Variants in PEX2 observed in about 807,000 individuals in gnomAD.
The protein encoded by PEX2 is peroxisome biogenesis factor 2.
Under a neutral mutation model 25.2 loss-of-function variants are expected in PEX2, and 19 were observed. The observed-to-expected ratio is 0.75, with a 90% CI of 0.53 to 1.10. The LOEUF (loss-of-function observed/expected upper bound fraction) is 1.10. Among genes scored for constraint, PEX2 ranks in the 50% least tolerant of loss-of-function variants. The pLI is 0.00. For missense variants in PEX2, 347 were observed against 350.6 expected, an observed-to-expected ratio of 0.99 and a Z score of 0.08; for synonymous variants, 141 against 127.7, an observed-to-expected ratio of 1.10 and a Z score of -0.70.
intron 1 of PEX2, among the ~76,000 whole-genome samples, chr8:76,996,369 G>A (rs977149591): frequency 2.0e-5 from 3 of 152,180 alleles, no homozygotes; most frequent in Non-Finnish European, 4.4e-5. Context: ...AGAGGGGGCA[G>A]AACCAGCTCT....
chr8:76,983,519 C>T lies in PEX2; in HGVS notation c.660G>A (p.Leu220=), dbSNP rs1222347671. ...CAGTAAGAGGAATACACCATGAAGACAGCTTGGCTTTCAACTTCTGGACAT... is the reference window on the plus strand; with the variant it reads ...CAGTAAGAGGAATACACCATGAAGATAGCTTGGCTTTCAACTTCTGGACAT... The part of the protein sequence containing the change: ...LINVQKLKAK[L]SSWCIPLTGA... The change falls in exon 4 of 4, where the codon CTG becomes CTA. Residue 220 remains leucine, a synonymous_variant. Coordinates refer to ENST00000357039, the MANE Select transcript of PEX2 (RefSeq NM_000318.3). 2 of 1,613,898 alleles carry T rather than the reference C, an allele frequency of 1.2e-6. No homozygotes were observed. The highest frequency in any genetic ancestry group is 1.7e-5 in the Admixed American group (1 of 60,006).
rs1464772631 is a variant in PEX2 at position 77,000,016 on chromosome 8, T to G, written c.-186A>C. ...TTAGGAGTCTGCGAAACGCCCACGC[T>G]CCACGTAACTTTCTCTGAAACATTC... On this transcript the variant is annotated 5_prime_UTR_variant, in exon 1 of 4. Coordinates refer to ENST00000357039, the MANE Select transcript of PEX2 (RefSeq NM_000318.3). The G allele has an allele frequency of 2.2e-6, 1 of 452,804 alleles. No individual in the cohort carries two copies. The highest frequency in any genetic ancestry group is 2.4e-5 in the Admixed American group (1 of 41,982). 28.0% of individuals were successfully genotyped at this position (452,804 alleles called of 1,614,324 possible).
intron 1 of PEX2, among the ~76,000 whole-genome samples, chr8:76,992,366 G>T (rs1165380085): frequency 6.6e-6 from 1 of 152,132 alleles, no homozygotes; most frequent in Non-Finnish European, 1.5e-5. Context: ...GGCAGTCCAA[G>T]ACAAGCAACA....
chr8:76,998,605 GAAGAA>G (rs769536795), intron 1 of PEX2, among the ~76,000 whole-genome samples: 1 of 152,268 alleles, frequency 6.6e-6, no homozygotes, highest in South Asian at 2.1e-4. Flanking sequence ...TTTAATGCTA[GAAGAA>G]AAGGCAGATC....
Position 76,983,070 on chromosome 8 carries a change from T to C in PEX2, c.*191A>G. ...GCAATGATTTAAAAAACATAATACA[T>C]TAACATTTACATAATATATTTAGAA... On this transcript the variant is annotated 3_prime_UTR_variant, in exon 4 of 4. Transcript: ENST00000357039. 3.6e-6 allele frequency: 5 copies of C among 1,390,396 alleles called. No individual in the cohort carries two copies. The highest frequency in any genetic ancestry group is 4.7e-6 in the Non-Finnish European group (5 of 1,061,930). The allele number at this position is 1,390,396 out of a possible 1,614,324, so 86.1% of individuals were successfully genotyped here. A position where few individuals can be genotyped will look rare whatever the true frequency, so the allele number is the denominator to read the frequency against.
intron 1 of PEX2, among the ~76,000 whole-genome samples, chr8:76,997,488 G>T (rs1277719444): frequency 6.6e-6 from 1 of 152,100 alleles, no homozygotes. Flanking sequence ...AGAACTGCTT[G>T]AACTCGGGAG....
chr8:76,997,101 T>G (rs1807356510), intron 1 of PEX2, among the ~76,000 whole-genome samples: 1 of 152,158 alleles, frequency 6.6e-6, no homozygotes, highest in Non-Finnish European at 1.5e-5. Context: ...GGAAAGAAAT[T>G]AAAGGAATGA....
Position 77,000,042 on chromosome 8 carries a change from T to C in PEX2, c.-212A>G, listed in dbSNP as rs1429812381. The C allele has an allele frequency of 9.1e-6, 4 of 441,134 alleles. No homozygotes were observed. Among genetic ancestry groups the C allele is most frequent in the African/African-American group, 4.1e-5 (2 of 49,156 alleles). The allele number at this position is 441,134 out of a possible 1,614,324, so 27.3% of individuals were successfully genotyped here. Reference sequence around the variant, plus strand: ...CCACGTAACTTTCTCTGAAACATTCTCTGGAAAGCTTGTCTTTTCCTAGCC... The same window carrying C: ...CCACGTAACTTTCTCTGAAACATTCCCTGGAAAGCTTGTCTTTTCCTAGCC... On this transcript the variant is annotated 5_prime_UTR_variant, in exon 1 of 4. Transcript: ENST00000357039.
intron 1 of PEX2, among the ~76,000 whole-genome samples, chr8:76,995,535 C>G (rs1159618560): frequency 6.6e-6 from 1 of 151,552 alleles, no homozygotes; most frequent in Non-Finnish European, 1.5e-5. Flanking sequence ...AAACTCAACA[C>G]AACTCAAGAT....
intron 1 of PEX2, among the ~76,000 whole-genome samples, chr8:76,997,574 A>C (rs1002472991): frequency 6.6e-6 from 1 of 152,218 alleles, no homozygotes; most frequent in African/African-American, 2.4e-5. Context: ...GTCTCAAAAA[A>C]ATGAAAAGAC....
chr8:76,993,962 T>A (rs1473948159), intron 1 of PEX2, among the ~76,000 whole-genome samples: 2 of 152,132 alleles, frequency 1.3e-5, no homozygotes, highest in Non-Finnish European at 2.9e-5. Context: ...GTGAAAAAGA[T>A]GCTTAAGGCA....
Position 76,983,509 on chromosome 8 carries a change from A to G in PEX2, c.670T>C (p.Cys224Arg). ...QKLKAKLSSW[C>R]IPLTGAPNSD... Reference sequence around the variant, plus strand: ...TTAGGTGCACCAGTAAGAGGAATACACCATGAAGACAGCTTGGCTTTCAAC... The same window carrying G: ...TTAGGTGCACCAGTAAGAGGAATACGCCATGAAGACAGCTTGGCTTTCAAC... The change falls in exon 4 of 4, where the codon TGT becomes CGT. Residue 224 changes from cysteine (C) to arginine (R), a missense_variant. Transcript: ENST00000357039. The G allele has an allele frequency of 2.5e-6, 4 of 1,614,102 alleles. No individual in the cohort carries two copies. Among genetic ancestry groups the G allele is most frequent in the Non-Finnish European group, 3.4e-6 (4 of 1,180,006 alleles).
Position 76,980,675 on chromosome 8 carries a change from G to C in PEX2, c.*2586C>G, listed in dbSNP as rs1448912544. On this transcript the variant is annotated 3_prime_UTR_variant, in exon 4 of 4. Coordinates refer to ENST00000357039, the MANE Select transcript of PEX2 (RefSeq NM_000318.3). ...AGGCAAGAGTATCTCATGCCAGTGGGATCAGAAAGCTAGCAGATTATAAGC... is the reference window on the plus strand; with the variant it reads ...AGGCAAGAGTATCTCATGCCAGTGGCATCAGAAAGCTAGCAGATTATAAGC... 1 of 152,230 alleles carries C rather than the reference G, an allele frequency of 6.6e-6. No homozygotes were observed. Among genetic ancestry groups the C allele is most frequent in the East Asian group, 1.9e-4 (1 of 5,204 alleles). The allele number at this position is 152,230 out of a possible 1,614,324, so 9.4% of individuals were successfully genotyped here. A position where few individuals can be genotyped will look rare whatever the true frequency, so the allele number is the denominator to read the frequency against.
At chr8:76,985,001 A>C (rs952757582) in intron 3 of PEX2, among the ~76,000 whole-genome samples, 7 of 152,174 alleles carry the variant, frequency 4.6e-5, no homozygotes, top group Admixed American at 2.6e-4. Flanking sequence ...TAAATGAAAT[A>C]TAAGAAGCTG....
intron 3 of PEX2, among the ~76,000 whole-genome samples, 200 bp from the exon 4 acceptor site, chr8:76,984,395 CCCTG>C (rs1441512554): frequency 2.6e-5 from 4 of 152,258 alleles, no homozygotes; most frequent in African/African-American, 9.6e-5. Context: ...TTCTTTCTCC[CCCTG>C]CCTTTTTTTC....
intron 1 of PEX2, among the ~76,000 whole-genome samples, chr8:76,998,623 C>T (rs1290708617): frequency 6.6e-6 from 1 of 152,148 alleles, no homozygotes; most frequent in Non-Finnish European, 1.5e-5. Context: ...GGCAGATCAT[C>T]TCGTTTAAGA....
At chr8:76,996,235 A>G (rs2132060006) in intron 1 of PEX2, among the ~76,000 whole-genome samples, 2 of 152,338 alleles carry the variant, frequency 1.3e-5, no homozygotes, top group East Asian at 3.9e-4. Flanking sequence ...ACCAAGTACA[A>G]ATTTAAATAT....
intron 1 of PEX2, among the ~76,000 whole-genome samples, chr8:76,993,754 A>G (rs1441874031): frequency 6.6e-6 from 1 of 152,202 alleles, no homozygotes; most frequent in Non-Finnish European, 1.5e-5. Context: ...CTACCTTTTC[A>G]TACACAATCC....
Position 76,980,593 on chromosome 8 carries a change from C to G in PEX2, c.*2668G>C, listed in dbSNP as rs1271388908. The G allele has an allele frequency of 6.6e-6, 1 of 152,168 alleles. No homozygotes were observed. The highest frequency in any genetic ancestry group is 1.5e-5 in the Non-Finnish European group (1 of 68,062). The allele number at this position is 152,168 out of a possible 1,614,324, so 9.4% of individuals were successfully genotyped here. A position where few individuals can be genotyped will look rare whatever the true frequency, so the allele number is the denominator to read the frequency against. On this transcript the variant is annotated 3_prime_UTR_variant, in exon 4 of 4. Transcript: ENST00000357039. ...CTATAGTGGCTGGTTCAGGAATGTG[C>G]ACATAATCCAAGGCAGACCAGTAAC... is the stretch of plus-strand genomic sequence containing the variant.
Sources: gnomAD v4.1 joint callset for allele counts (sites outside exome capture counted in the v4.1 genomes callset) on GRCh38, gnomAD v4.1.1 for gene constraint, MANE v1.5 for transcripts, NCBI Gene and HGNC (gene_info 2026-07-23, HGNC 2026-07-21) for gene names.